The following SULT2B1 variants were observed in gnomAD, a reference collection of about 807,000 sequenced individuals.
SULT2B1 encodes the protein sulfotransferase 2B1.
SULT2B1 carries 16 observed loss-of-function variants against 33.2 expected under a neutral mutation model. That is an observed-to-expected ratio of 0.48 (90% confidence interval 0.33 to 0.73). The LOEUF is 0.73. SULT2B1 is among the 30% of genes least tolerant of loss of function. The probability of loss-of-function intolerance (pLI) is 0.02; values close to 1 mark genes in which losing one functional copy is unlikely to be tolerated. For synonymous variants in SULT2B1, 186 were observed against 200.5 expected, an observed-to-expected ratio of 0.93 and a Z score of 0.61; for missense variants, 500 against 506.0, an observed-to-expected ratio of 0.99 and a Z score of 0.11.
rs956555132 is a variant in SULT2B1, at chr19:48,571,342, G to A, written c.72-4599G>A. Among the ~76,000 whole-genome samples the A allele has an allele frequency of 8.6e-5, 13 of 151,342 alleles. No individual in the cohort carries two copies. The East Asian group carries it at 9.8e-4, about 11-fold the overall frequency. ...CTCCCGAGTAGCTGAGATTACAGGCGCCCACCACCGTGCCCAGCTAATTTT... is the reference window on the plus strand; with the variant it reads ...CTCCCGAGTAGCTGAGATTACAGGCACCCACCACCGTGCCCAGCTAATTTT... On this transcript the variant is annotated intron_variant, in intron 1 of 6. Transcript: ENST00000201586.
chr19:48,599,124 C>G lies in SULT2B1; in HGVS notation c.827-11C>G. ...GAGGCTCCTCACCCCCTGGTGCCCC[C>G]TCTTCTCCAGGGGTCTGCGGCGACT... On this transcript the variant is annotated splice_polypyrimidine_tract_variant and intron_variant, in intron 6 of 6. Coordinates refer to ENST00000201586, the MANE Select transcript of SULT2B1 (RefSeq NM_177973.2). This position sits in a 1 kb window ranked among gnomAD's most constrained non-coding sequence, Gnocchi z 4.1. 2 of 1,565,138 alleles carry G rather than the reference C, an allele frequency of 1.3e-6. No homozygotes were observed. Among genetic ancestry groups the G allele is most frequent in the Non-Finnish European group, 1.7e-6 (2 of 1,159,602 alleles).
At chr19:48,565,998 C>T (rs1000436072) in intron 1 of SULT2B1, among the ~76,000 whole-genome samples, 4 of 151,536 alleles carry the variant, frequency 2.6e-5, no homozygotes, top group African/African-American at 4.9e-5. Flanking sequence ...CTGCAACCTC[C>T]GCCTCCTGGG....
chr19:48,580,933 C>T (rs926642284), intron 2 of SULT2B1, among the ~76,000 whole-genome samples: 8 of 151,106 alleles, frequency 5.3e-5, no homozygotes. Flanking sequence ...TGATAGGTGC[C>T]TACTGGTGTT....
At chr19:48,575,869 T>G (rs752460666) in intron 1 of SULT2B1, 72 bp from the exon 2 acceptor site, 126 of 1,553,126 alleles carry the variant, frequency 8.1e-5, no homozygotes, top group Non-Finnish European at 1.1e-4. Flanking sequence ...AGGGTCCGAG[T>G]GTCGCCACCC....
chr19:48,587,458 T>A, intron 3 of SULT2B1, 21 bp downstream of exon 3: 1 of 1,613,634 alleles, frequency 6.2e-7, no homozygotes, highest in Non-Finnish European at 8.5e-7. Flanking sequence ...GGGGTGTGTG[T>A]CAGTTGGGAG....
intron 1 of SULT2B1, among the ~76,000 whole-genome samples, chr19:48,570,372 T>C (rs954992804): frequency 1.3e-5 from 2 of 151,762 alleles, no homozygotes; most frequent in African/African-American, 4.8e-5. Context: ...AGAGACGGGG[T>C]TTCGCCATGT....
chr19:48,592,030 A>G (rs1973650400), intron 4 of SULT2B1, among the ~76,000 whole-genome samples: 1 of 152,142 alleles, frequency 6.6e-6, no homozygotes, highest in Non-Finnish European at 1.5e-5. Flanking sequence ...ATGGTGGCTC[A>G]TGCGTGTAAT....
chr19:48,591,789 C>T, intron 4 of SULT2B1, 54 bp downstream of exon 4: 1 of 1,509,768 alleles, frequency 6.6e-7, no homozygotes, highest in Non-Finnish European at 8.9e-7. Context: ...CCAGAGGACC[C>T]TGATGGGCAG....
At chr19:48,574,400 C>A (rs986677606) in intron 1 of SULT2B1, among the ~76,000 whole-genome samples, 7 of 152,188 alleles carry the variant, frequency 4.6e-5, no homozygotes, top group Non-Finnish European at 1.0e-4. Flanking sequence ...ATTGTAGGTG[C>A]CAAGAGGAAC....
intron 1 of SULT2B1, among the ~76,000 whole-genome samples, chr19:48,556,052 C>T (rs1248365221): frequency 6.6e-6 from 1 of 152,040 alleles, no homozygotes; most frequent in Non-Finnish European, 1.5e-5. Flanking sequence ...ATTTTTGTAT[C>T]TTTAGTAGAG....
chr19:48,596,923 CG>C lies in SULT2B1; in HGVS notation c.826+9del. On this transcript the variant is annotated splice_donor_5th_base_variant and intron_variant, in intron 6 of 6. Transcript: ENST00000201586. ...CGCGGGGCCTTCCTCCGGAAAGGTG[CG>C]GGGGTTCTGGGGTTCAGAGCCCACT... The C allele has an allele frequency of 6.3e-7, 1 of 1,580,594 alleles. No individual in the cohort carries two copies. Among genetic ancestry groups the C allele is most frequent in the South Asian group, 1.1e-5 (1 of 88,072 alleles).
At chr19:48,563,476 G>C (rs1247869793) in intron 1 of SULT2B1, among the ~76,000 whole-genome samples, 2 of 152,156 alleles carry the variant, frequency 1.3e-5, no homozygotes, top group South Asian at 2.1e-4. Context: ...CCGCAAATGG[G>C]AACAAGCTCT....
chr19:48,562,256 C>G (rs1973192245), intron 1 of SULT2B1, among the ~76,000 whole-genome samples: 1 of 151,932 alleles, frequency 6.6e-6, no homozygotes, highest in Non-Finnish European at 1.5e-5. Flanking sequence ...GGCGTGGTGG[C>G]ACATGCCTGT....
Position 48,552,426 on chromosome 19 carries a change from C to A in SULT2B1, c.71+103C>A, listed in dbSNP as rs1003679230. 27 of 1,291,030 alleles carry A rather than the reference C, an allele frequency of 2.1e-5. No homozygotes were observed. In the South Asian group the frequency reaches 3.3e-4, roughly 16 times the overall value. 80.0% of individuals were successfully genotyped at this position (1,291,030 alleles called of 1,614,324 possible). A position where few individuals can be genotyped will look rare whatever the true frequency, so the allele number is the denominator to read the frequency against. The stretch of plus-strand genomic sequence containing the variant: ...AGGGTGGCCTCCAGCCACCCGCAGC[C>A]GCAGGCCTGGCCCAGACTTAGCTGG... On this transcript the variant is annotated intron_variant, in intron 1 of 6. Coordinates refer to ENST00000201586, the MANE Select transcript of SULT2B1 (RefSeq NM_177973.2). This position sits in a 1 kb window ranked among gnomAD's most constrained non-coding sequence, Gnocchi z 4.8.
chr19:48,592,694 C>T lies in SULT2B1; in HGVS notation c.551-28C>T. On this transcript the variant is annotated intron_variant, in intron 4 of 6. Coordinates refer to ENST00000201586, the MANE Select transcript of SULT2B1 (RefSeq NM_177973.2). ...GCTGGGGGAACCCCGCCACTCAGCC[C>T]TCACCCCACTTGTCCCTCTGCCCAC... 3 of 1,561,808 alleles carry T rather than the reference C, an allele frequency of 1.9e-6. No homozygotes were observed. In the South Asian group the frequency reaches 3.5e-5, roughly 18 times the overall value.
In SULT2B1 at chr19:48,581,472, G is replaced by GTTTTTT. The variant is rs4011541; in HGVS notation, c.214+5400_214+5405dup. Among the ~76,000 whole-genome samples, 1,164 of 118,834 alleles carry GTTTTTT rather than the reference G, an allele frequency of 9.8e-3. 123 individuals are homozygous for GTTTTTT. The highest frequency in any genetic ancestry group is 0.03 in the African/African-American group (898 of 29,760). 78.0% of individuals were successfully genotyped at this position (118,834 alleles called of 152,430 possible). On this transcript the variant is annotated intron_variant, in intron 2 of 6. Coordinates refer to ENST00000201586, the MANE Select transcript of SULT2B1 (RefSeq NM_177973.2). The stretch of plus-strand genomic sequence containing the variant: ...GTTTTCTTATCATTGAGATTTGAGA[G>GTTTTTT]TTTTTTTTTTTTTTTTGAGACAGAG...
At chr19:48,558,775 C>G (rs1359330840) in intron 1 of SULT2B1, among the ~76,000 whole-genome samples, 1 of 150,054 alleles carries the variant, frequency 6.7e-6, no homozygotes, top group African/African-American at 2.4e-5. Flanking sequence ...ACAGCCGCCT[C>G]CGGGGTTCAA....
At chr19:48,553,518 G>A (rs537473776) in intron 1 of SULT2B1, among the ~76,000 whole-genome samples, 5 of 152,174 alleles carry the variant, frequency 3.3e-5, no homozygotes, top group African/African-American at 4.8e-5. Context: ...TCACCATGTC[G>A]GCCAGGCTGT....
chr19:48,568,613 C>T (rs758462523), intron 1 of SULT2B1, among the ~76,000 whole-genome samples: 35 of 152,128 alleles, frequency 2.3e-4, no homozygotes, highest in African/African-American at 3.9e-4. Flanking sequence ...GAGAACAGCC[C>T]GGACAGAGGC....
Sources: gnomAD v4.1 joint callset for allele counts (sites outside exome capture counted in the v4.1 genomes callset) on GRCh38, gnomAD v4.1.1 for gene constraint, Gnocchi (gnomAD v3.1) non-coding constraint, MANE v1.5 for transcripts, NCBI Gene and HGNC (gene_info 2026-07-23, HGNC 2026-07-21) for gene names.